The following GRID1 variants were observed in gnomAD, a reference collection of about 807,000 sequenced individuals.
GRID1 encodes glutamate receptor ionotropic, delta-1.
In GRID1, 28 loss-of-function variants were observed where a neutral mutation model predicts 98.0. The ratio of observed to expected loss-of-function variants is 0.29; its 90% CI spans 0.21 to 0.39. The LOEUF (loss-of-function observed/expected upper bound fraction) is 0.39, where lower values mean the gene tolerates loss of function less well. Ranked by LOEUF, GRID1 falls within the 10% of genes least tolerant of loss-of-function variation. The pLI is 1.00. For missense variants in GRID1, 1,111 were observed against 1,340.5 expected, an observed-to-expected ratio of 0.83 and a Z score of 2.67; for synonymous variants, 553 against 538.5, an observed-to-expected ratio of 1.03 and a Z score of -0.37.
chr10:85,616,162 C>A (rs2132517362), intron 14 of GRID1, among the ~76,000 whole-genome samples: 1 of 152,336 alleles, frequency 6.6e-6, no homozygotes, highest in Middle Eastern at 3.4e-3. Context: ...CCTGCCAGCA[C>A]TGACATGAGC....
At chr10:85,968,405 C>T (rs895388778) in intron 4 of GRID1, among the ~76,000 whole-genome samples, 1 of 146,398 alleles carries the variant, frequency 6.8e-6, no homozygotes, top group Non-Finnish European at 1.5e-5. Flanking sequence ...GAGCCGGGAT[C>T]GCGCCACTGC....
At position 86,083,484 on chromosome 10, in the gene GRID1, G is replaced by A. The variant is rs996565417; in HGVS notation, c.726+55335C>T. On this transcript the variant is annotated intron_variant, in intron 4 of 15. Coordinates refer to ENST00000327946, the MANE Select transcript of GRID1 (RefSeq NM_017551.3). ...AGTGAATTTCGCTCCTCGCTGTCATGAGACAACTGTTGTCAAGAAGTCTGA... is the reference window on the plus strand; with the variant it reads ...AGTGAATTTCGCTCCTCGCTGTCATAAGACAACTGTTGTCAAGAAGTCTGA... Among the ~76,000 whole-genome samples, 4 of 152,238 alleles carry A rather than the reference G, an allele frequency of 2.6e-5. No homozygotes were observed. The East Asian group carries it at 7.7e-4, about 29-fold the overall frequency.
chr10:86,213,333 C>A (rs1395186447), intron 2 of GRID1, among the ~76,000 whole-genome samples: 1 of 152,130 alleles, frequency 6.6e-6, no homozygotes, highest in Non-Finnish European at 1.5e-5. Context: ...CCCACCTCAG[C>A]AGGGCTCCCC....
intron 12 of GRID1, among the ~76,000 whole-genome samples, chr10:85,661,617 C>A (rs1220071943): frequency 6.6e-6 from 1 of 152,130 alleles, no homozygotes; most frequent in African/African-American, 2.4e-5. Context: ...GGAGCTTGTC[C>A]CCAAGTCACA....
chr10:86,122,550 T>C (rs1332832385), intron 4 of GRID1, among the ~76,000 whole-genome samples: 2 of 152,218 alleles, frequency 1.3e-5, no homozygotes, highest in African/African-American at 4.8e-5. Context: ...TCCCTGGCAC[T>C]GGAGCTCCAC....
intron 5 of GRID1, among the ~76,000 whole-genome samples, chr10:85,912,880 T>G (rs1008474733): frequency 6.6e-6 from 1 of 152,228 alleles, no homozygotes; most frequent in Admixed American, 6.5e-5. Flanking sequence ...AAACCATTTG[T>G]CTGTGGCTCT....
At chr10:86,157,680 C>T (rs1257811144) in intron 3 of GRID1, among the ~76,000 whole-genome samples, 1 of 152,186 alleles carries the variant, frequency 6.6e-6, no homozygotes, top group African/African-American at 2.4e-5. Flanking sequence ...TAGGCCACCT[C>T]TGTGGGCCCC....
At chr10:85,671,435 A>T (rs943782980) in intron 12 of GRID1, among the ~76,000 whole-genome samples, 3 of 151,980 alleles carry the variant, frequency 2.0e-5, no homozygotes, top group African/African-American at 7.2e-5. Flanking sequence ...GTGATTTTTG[A>T]TGTTACTATT....
chr10:86,020,894 A>G (rs1382147985), intron 4 of GRID1, among the ~76,000 whole-genome samples: 1 of 152,212 alleles, frequency 6.6e-6, no homozygotes, highest in African/African-American at 2.4e-5. Context: ...AGACATATAG[A>G]AAAGTACAAA....
chr10:86,019,958 AG>A (rs1186997060), intron 4 of GRID1, among the ~76,000 whole-genome samples: 1 of 152,244 alleles, frequency 6.6e-6, no homozygotes, highest in African/African-American at 2.4e-5. Flanking sequence ...GCACAATGAA[AG>A]CTTGGAATGC....
At chr10:85,929,326 G>C (rs185746715) in intron 4 of GRID1, among the ~76,000 whole-genome samples, 147 of 152,222 alleles carry the variant, frequency 9.7e-4, no homozygotes, top group Non-Finnish European at 1.8e-3. Flanking sequence ...CAGTGTTGGG[G>C]TCCACCGAAG....
intron 4 of GRID1, among the ~76,000 whole-genome samples, chr10:86,109,492 C>A (rs926330644): frequency 1.3e-5 from 2 of 152,216 alleles, no homozygotes; most frequent in African/African-American, 4.8e-5. Flanking sequence ...TCTCTCCAAG[C>A]CCATGCTGGC....
At chr10:85,897,449 C>A (rs117372034) in intron 5 of GRID1, among the ~76,000 whole-genome samples, 2,495 of 152,278 alleles carry the variant, frequency 0.016, 26 homozygotes, top group Middle Eastern at 0.044. Context: ...AGAGGAGAAG[C>A]CTTGGATTAA....
chr10:86,301,248 G>T (rs1287327638), intron 2 of GRID1, among the ~76,000 whole-genome samples: 1 of 152,328 alleles, frequency 6.6e-6, no homozygotes, highest in East Asian at 1.9e-4. Context: ...GGGGGCCCTG[G>T]CAGACTCTAG....
At chr10:86,035,877 G>C (rs1843253823) in intron 4 of GRID1, among the ~76,000 whole-genome samples, 1 of 152,152 alleles carries the variant, frequency 6.6e-6, no homozygotes, top group Admixed American at 6.5e-5. Context: ...AATAGGGGTG[G>C]TAAAATATGG....
intron 4 of GRID1, among the ~76,000 whole-genome samples, chr10:86,111,256 C>T (rs1844477764): frequency 6.6e-6 from 1 of 152,164 alleles, no homozygotes; most frequent in Non-Finnish European, 1.5e-5. Flanking sequence ...TGCCCTTGGC[C>T]ACAGCAAGTC....
At chr10:85,880,734 A>C (rs1564617231) in intron 5 of GRID1, among the ~76,000 whole-genome samples, 1 of 152,098 alleles carries the variant, frequency 6.6e-6, no homozygotes, top group Non-Finnish European at 1.5e-5. Context: ...GCCCCCTCTC[A>C]CCACTCCTAT....
intron 4 of GRID1, among the ~76,000 whole-genome samples, chr10:86,045,075 A>C (rs1843403291): frequency 6.6e-6 from 1 of 152,228 alleles, no homozygotes; most frequent in African/African-American, 2.4e-5. Flanking sequence ...AATTGTTCAT[A>C]TGCAAAGAGT....
chr10:85,658,643 A>G (rs1840929812), intron 12 of GRID1, among the ~76,000 whole-genome samples: 1 of 152,242 alleles, frequency 6.6e-6, no homozygotes, highest in Non-Finnish European at 1.5e-5. Context: ...AATGAAGCAC[A>G]GAGTCATGGG....
Sources: gnomAD v4.1 joint callset for allele counts (sites outside exome capture counted in the v4.1 genomes callset) on GRCh38, gnomAD v4.1.1 for gene constraint, MANE v1.5 for transcripts, NCBI Gene and HGNC (gene_info 2026-07-23, HGNC 2026-07-21) for gene names.